Variants in PLOD2 observed in about 807,000 individuals in gnomAD.
The protein encoded by PLOD2 is procollagen-lysine,2-oxoglutarate 5-dioxygenase 2.
A neutral mutation model predicts 101.0 loss-of-function variants in PLOD2; 65 were observed. That is an observed-to-expected ratio of 0.64 (90% confidence interval 0.53 to 0.79). The LOEUF is 0.79. PLOD2 is among the 30% of genes least tolerant of loss of function. PLOD2 has a pLI of 0.00. For synonymous variants in PLOD2, 314 were observed against 302.9 expected (o/e 1.04, Z -0.38); for missense variants, 909 against 914.6 (o/e 0.99, Z 0.08).
At chr3:146,119,212 C>T (rs1357284931) in intron 3 of PLOD2, among the ~76,000 whole-genome samples, 1 of 152,094 alleles carries the variant, frequency 6.6e-6, no homozygotes, top group Non-Finnish European at 1.5e-5. Flanking sequence ...CTTCCTCCTG[C>T]TCCAATCATG....
At chr3:146,123,368 C>T (rs1488676329) in intron 2 of PLOD2, 1 of 652,610 alleles carries the variant, frequency 1.5e-6, no homozygotes, top group Non-Finnish European at 2.1e-6. Context: ...GCAGGCCTCT[C>T]ATAGCTGAGT....
intron 2 of PLOD2, chr3:146,123,207 C>T: frequency 7.6e-6 from 4 of 527,378 alleles, no homozygotes; most frequent in East Asian, 1.0e-4. Flanking sequence ...AGTTTTTCTC[C>T]AAAAAGTAAT....
At chr3:146,138,075 G>C (rs539683995) in intron 1 of PLOD2, among the ~76,000 whole-genome samples, 1 of 152,126 alleles carries the variant, frequency 6.6e-6, no homozygotes, top group Non-Finnish European at 1.5e-5. Context: ...TTAGAATTAA[G>C]AGTGGACAGC....
At position 146,102,785 on chromosome 3, in the gene PLOD2, T is replaced by C. The variant is rs1489699711; in HGVS notation, c.747A>G (p.Pro249=). 1 of 1,601,806 alleles carries C rather than the reference T, an allele frequency of 6.2e-7. No individual in the cohort carries two copies. The highest frequency in any genetic ancestry group is 8.6e-7 in the Non-Finnish European group (1 of 1,168,844). Residue 249 remains proline, a synonymous_variant, in exon 7 of 20, where the codon CCA becomes CCG. Coordinates refer to ENST00000282903, the MANE Select transcript of PLOD2 (RefSeq NM_182943.3). ...RAKNTFYETL[P]VAINGNGPTK... Reference sequence around the variant, plus strand: ...TGGGTCCATTTCCATTAATTGCCACTGGTAATGTTTCATAAAATGTATTCT... The same window carrying C: ...TGGGTCCATTTCCATTAATTGCCACCGGTAATGTTTCATAAAATGTATTCT...
At chr3:146,085,940 T>C (rs961242710) in intron 10 of PLOD2, 1 of 152,194 alleles carries the variant, frequency 6.6e-6, no homozygotes, top group African/African-American at 2.4e-5. Flanking sequence ...GAAGCAACTA[T>C]CAAACAAAAT....
At chr3:146,139,215 G>A (rs1241037751) in intron 1 of PLOD2, among the ~76,000 whole-genome samples, 1 of 152,104 alleles carries the variant, frequency 6.6e-6, no homozygotes, top group East Asian at 1.9e-4. Context: ...AACAGGGTTT[G>A]TGAAAAAGAG....
At chr3:146,078,583 TTTTA>T (rs1414183765) in intron 13 of PLOD2, among the ~76,000 whole-genome samples, 1 of 151,892 alleles carries the variant, frequency 6.6e-6, no homozygotes, top group Admixed American at 6.6e-5. Flanking sequence ...ATCATTAGTA[TTTTA>T]TTTAGAGTAA....
At chr3:146,103,724 AATTAT>A (rs1227022837) in intron 6 of PLOD2, among the ~76,000 whole-genome samples, 2 of 151,866 alleles carry the variant, frequency 1.3e-5, no homozygotes, top group African/African-American at 4.8e-5. Flanking sequence ...TGTGTTAATA[AATTAT>A]ATTTTAAATT....
chr3:146,148,313 T>C (rs1265785823), intron 1 of PLOD2, among the ~76,000 whole-genome samples: 2 of 135,328 alleles, frequency 1.5e-5, no homozygotes, highest in East Asian at 2.2e-4. Context: ...TAATTATTTA[T>C]ACAGGCAGGC....
Position 146,081,878 on chromosome 3 carries a change from AGT to A in PLOD2, c.1233-17_1233-16del, listed in dbSNP as rs750242044. On this transcript the variant is annotated splice_polypyrimidine_tract_variant and intron_variant, in intron 11 of 19. Transcript: ENST00000282903. ...CAATGATCTTTCTAAAGACAGAGAG[AGT>A]GTGTGTGAGAGAGAGAAACCTATAT... 4.4e-6 allele frequency: 7 copies of A among 1,607,854 alleles called. No homozygotes were observed. The highest frequency in any genetic ancestry group is 6.0e-6 in the Non-Finnish European group (7 of 1,174,960).
intron 4 of PLOD2, 58 bp from the exon 5 acceptor site, chr3:146,106,702 C>A: frequency 1.2e-6 from 1 of 857,516 alleles, no homozygotes; most frequent in South Asian, 1.3e-5. Context: ...AAACTGGTGT[C>A]ATGTTAATTT....
At chr3:146,091,651 G>A in intron 8 of PLOD2, 149 bp downstream of exon 8, 1 of 606,132 alleles carries the variant, frequency 1.6e-6, no homozygotes, top group Non-Finnish European at 3.0e-6. Flanking sequence ...CTAGCAAATG[G>A]CTGAATCATC....
At chr3:146,152,456 T>C (rs1246127365) in intron 1 of PLOD2, among the ~76,000 whole-genome samples, 1 of 152,010 alleles carries the variant, frequency 6.6e-6, no homozygotes, top group Non-Finnish European at 1.5e-5. Flanking sequence ...GAAAATTAAG[T>C]GTCCAATGGC....
intron 3 of PLOD2, among the ~76,000 whole-genome samples, chr3:146,117,703 T>C (rs1266125666): frequency 4.6e-5 from 7 of 152,060 alleles, no homozygotes. Context: ...TGTCAGAAAT[T>C]TTATCTGTTT....
At position 146,076,814 on chromosome 3, in the gene PLOD2, T is replaced by C; in HGVS notation, c.1645A>G (p.Asn549Asp). Reference sequence around the variant, plus strand: ...TTTTCAAAAATCTGCCAGAGGTCATTGTTATAATGGGAAGTATTGTAATTA... The same window carrying C: ...TTTTCAAAAATCTGCCAGAGGTCATCGTTATAATGGGAAGTATTGTAATTA... ...TANYNTSHYN[N>D]DLWQIFENPV... The change falls in exon 15 of 20, where the codon AAT becomes GAT. Residue 549 changes from asparagine to aspartate, a missense_variant. By Grantham distance (23) the Asn-to-Asp change is conservative. Transcript: ENST00000282903. The C allele has an allele frequency of 6.3e-7, 1 of 1,577,812 alleles. No homozygotes were observed. Among genetic ancestry groups the C allele is most frequent in the South Asian group, 1.1e-5 (1 of 89,784 alleles).
Position 146,088,712 on chromosome 3 carries a change from C to A in PLOD2, c.880-1G>T, listed in dbSNP as rs1469112423. 2.5e-6 allele frequency: 4 copies of A among 1,600,988 alleles called. No individual in the cohort carries two copies. Among genetic ancestry groups the A allele is most frequent in the South Asian group, 1.1e-5 (1 of 90,448 alleles). Reference sequence around the variant, plus strand: ...CACCTATTGATACGTTTGGATGGACCTTTGTTTTACACCAAACATAAAAAT... The same window carrying A: ...CACCTATTGATACGTTTGGATGGACATTTGTTTTACACCAAACATAAAAAT... On this transcript the variant is annotated splice_acceptor_variant, in intron 8 of 19. Coordinates refer to ENST00000282903, the MANE Select transcript of PLOD2 (RefSeq NM_182943.3). LOFTEE classifies it high-confidence loss of function.
intron 1 of PLOD2, among the ~76,000 whole-genome samples, chr3:146,139,316 A>G: frequency 1.3e-5 from 2 of 152,292 alleles, no homozygotes; most frequent in South Asian, 4.1e-4. Flanking sequence ...TGTTTAAAGT[A>G]GTGAAGGACT....
At chr3:146,152,816 G>A (rs1176582886) in intron 1 of PLOD2, among the ~76,000 whole-genome samples, 1 of 152,214 alleles carries the variant, frequency 6.6e-6, no homozygotes, top group Non-Finnish European at 1.5e-5. Context: ...TCAGAGAAGA[G>A]TAAGAACTCT....
At chr3:146,104,955 A>G (rs1390634996) in intron 5 of PLOD2, 3 of 152,292 alleles carry the variant, frequency 2.0e-5, no homozygotes, top group Non-Finnish European at 2.9e-5. Flanking sequence ...TGAAACTGAG[A>G]TGGCCTGTTT....
Sources: gnomAD v4.1 joint callset for allele counts (sites outside exome capture counted in the v4.1 genomes callset) on GRCh38, gnomAD v4.1.1 for gene constraint, MANE v1.5 for transcripts, NCBI Gene and HGNC (gene_info 2026-07-23, HGNC 2026-07-21) for gene names.